NFKB1: variants seen among roughly 807,000 people sequenced by gnomAD.
NFKB1 encodes nuclear factor kappa B subunit 1.
NFKB1 carries 9 observed loss-of-function variants against 105.1 expected under a neutral mutation model. The ratio of observed to expected loss-of-function variants is 0.09; its 90% CI spans 0.05 to 0.15. The LOEUF (loss-of-function observed/expected upper bound fraction) is 0.15. Ranked by LOEUF, NFKB1 falls within the 10% of genes least tolerant of loss-of-function variation. NFKB1 has a pLI of 1.00. For synonymous variants in NFKB1, 440 were observed against 442.2 expected (o/e 1.00, Z 0.06); for missense variants, 830 against 1,203.7 (o/e 0.69, Z 4.59).
At chr4:102,508,638 C>T (rs942318376) in intron 1 of NFKB1, among the ~76,000 whole-genome samples, 2 of 152,032 alleles carry the variant, frequency 1.3e-5, no homozygotes, top group East Asian at 3.8e-4. Flanking sequence ...ATTTCTCTAC[C>T]CTATTCATTT....
intron 16 of NFKB1, among the ~76,000 whole-genome samples, chr4:102,602,792 G>A (rs989893873): frequency 2.0e-5 from 3 of 152,166 alleles, no homozygotes; most frequent in Non-Finnish European, 4.4e-5. Context: ...AGTATGAAGT[G>A]TGATTGTAGA....
At chr4:102,580,390 T>C (rs1725231762) in intron 8 of NFKB1, 145 bp from the exon 9 acceptor site, 1 of 676,596 alleles carries the variant, frequency 1.5e-6, no homozygotes, top group African/African-American at 1.8e-5. Context: ...TCAGAAGCCA[T>C]TCTTGTTTTA....
intron 1 of NFKB1, among the ~76,000 whole-genome samples, chr4:102,512,407 G>A (rs566622140): frequency 1.1e-4 from 16 of 152,286 alleles, no homozygotes; most frequent in African/African-American, 2.9e-4. Context: ...GGAATGCAGT[G>A]GCGCAATCAT....
chr4:102,612,234 G>A, intron 21 of NFKB1, 124 bp downstream of exon 21: 1 of 998,796 alleles, frequency 1.0e-6, no homozygotes, highest in Non-Finnish European at 1.5e-6. Flanking sequence ...AAAAGATGCT[G>A]GAGGTAGATA....
intron 6 of NFKB1, among the ~76,000 whole-genome samples, chr4:102,570,733 A>G (rs577875928): frequency 1.1e-4 from 16 of 152,332 alleles, no homozygotes; most frequent in African/African-American, 3.8e-4. Flanking sequence ...CCCATTCACA[A>G]TTGCTTCAAA....
intron 5 of NFKB1, among the ~76,000 whole-genome samples, chr4:102,540,546 TATTCACTA>T (rs1054368417): frequency 7.3e-6 from 1 of 137,292 alleles, no homozygotes; most frequent in Non-Finnish European, 1.5e-5. Flanking sequence ...ATTTATTTTT[TATTCACTA>T]ATTCAGTATC....
At chr4:102,589,343 TAAG>T (rs1725983288) in intron 11 of NFKB1, among the ~76,000 whole-genome samples, 1 of 152,194 alleles carries the variant, frequency 6.6e-6, no homozygotes, top group Non-Finnish European at 1.5e-5. Context: ...GTAAATTAGT[TAAG>T]ATAGAACCGA....
chr4:102,571,926 C>T (rs1398371773), intron 6 of NFKB1, among the ~76,000 whole-genome samples: 9 of 152,144 alleles, frequency 5.9e-5, no homozygotes, highest in Non-Finnish European at 1.2e-4. Flanking sequence ...GACAGTGTGG[C>T]GATTCCTCAA....
chr4:102,607,065 T>C (rs919440163), intron 17 of NFKB1, 85 bp from the exon 18 acceptor site: 7 of 1,354,998 alleles, frequency 5.2e-6, no homozygotes, highest in Non-Finnish European at 7.4e-6. Flanking sequence ...CATGATTCAG[T>C]TTTTGCCATT....
Position 102,600,920 on chromosome 4 carries a change from C to T in NFKB1, c.1663C>T (p.Leu555Phe). 2 of 1,608,416 alleles carry T rather than the reference C, an allele frequency of 1.2e-6. No homozygotes were observed. Among genetic ancestry groups the T allele is most frequent in the Non-Finnish European group, 1.7e-6 (2 of 1,175,222 alleles). The change falls in exon 16 of 24, where the codon CTT becomes TTT. Residue 555 changes from leucine (L) to phenylalanine (F), a missense_variant. Transcript: ENST00000226574. ...TGTCTTACACTTAGCAATCATCCAC[C>T]TTCATTCTCAACTTGTGAGGGATCT... ...DSVLHLAIIH[L>F]HSQLVRDLLE...
chr4:102,530,536 C>A (rs1578727161), intron 3 of NFKB1, among the ~76,000 whole-genome samples: 1 of 151,994 alleles, frequency 6.6e-6, no homozygotes, highest in South Asian at 2.1e-4. Flanking sequence ...TGTGATGGCT[C>A]TTTTTATGTT....
chr4:102,545,077 A>C (rs1722034393), intron 5 of NFKB1, among the ~76,000 whole-genome samples: 1 of 152,174 alleles, frequency 6.6e-6, no homozygotes, highest in South Asian at 2.1e-4. Context: ...ATAAAGTCAC[A>C]TATTGGCAAT....
At chr4:102,559,368 A>G (rs1235443266) in intron 5 of NFKB1, among the ~76,000 whole-genome samples, 1 of 151,990 alleles carries the variant, frequency 6.6e-6, no homozygotes, top group Non-Finnish European at 1.5e-5. Context: ...CTTTGGGAGG[A>G]TTTTGAGTGA....
At position 102,579,942 on chromosome 4, in the gene NFKB1, G is replaced by A. The variant is rs146374079; in HGVS notation, c.731-593G>A. 5.7e-3 allele frequency among the ~76,000 whole-genome samples: 867 copies of A among 151,188 alleles called. 8 individuals carry two copies. The highest frequency in any genetic ancestry group is 0.019 in the African/African-American group (777 of 41,158). The stretch of plus-strand genomic sequence containing the variant: ...TTATAAAATGATACAGACTCATACC[G>A]CAGAATCACCTTAAAATGCAGCTGT... On this transcript the variant is annotated intron_variant, in intron 8 of 23. Coordinates refer to ENST00000226574, the MANE Select transcript of NFKB1 (RefSeq NM_003998.4).
chr4:102,503,699 C>T (rs751488927), intron 1 of NFKB1, among the ~76,000 whole-genome samples: 5 of 152,100 alleles, frequency 3.3e-5, no homozygotes, highest in Non-Finnish European at 7.4e-5. Context: ...TTCCTTTTTA[C>T]TCTACCTCTT....
intron 11 of NFKB1, among the ~76,000 whole-genome samples, chr4:102,588,106 G>C (rs1382358196): frequency 6.6e-6 from 1 of 152,084 alleles, no homozygotes; most frequent in African/African-American, 2.4e-5. Flanking sequence ...CGAGTACAAA[G>C]AATCTTCTTT....
chr4:102,604,261 T>G (rs925284974), intron 16 of NFKB1, among the ~76,000 whole-genome samples: 1 of 152,170 alleles, frequency 6.6e-6, no homozygotes, highest in African/African-American at 2.4e-5. Context: ...TAAATGTACT[T>G]CTCTTGCCTT....
rs566406029 is a variant in NFKB1, at chr4:102,614,607, C to T, written c.2749+1026C>T. Among the ~76,000 whole-genome samples, 12 of 152,236 alleles carry T rather than the reference C, an allele frequency of 7.9e-5. No homozygotes were observed. The East Asian group carries it at 1.9e-3, about 25-fold the overall frequency. On this transcript the variant is annotated intron_variant, in intron 23 of 23. Transcript: ENST00000226574. ...CCTGCAGTTGGGATCGCATCCCCAC[C>T]GCTCCACCAGGCCTGCTGTCCTCAC...
intron 5 of NFKB1, 32 bp from the exon 6 acceptor site, chr4:102,566,955 A>G (rs769650546): frequency 1.2e-6 from 2 of 1,611,620 alleles, no homozygotes; most frequent in Non-Finnish European, 1.7e-6. Flanking sequence ...AGAGTCAGAT[A>G]TGCTAACTTT....
Sources: allele counts gnomAD v4.1 joint callset (sites outside exome capture counted in the v4.1 genomes callset), GRCh38; gene constraint gnomAD v4.1.1; transcripts MANE v1.5; gene names NCBI Gene and HGNC (gene_info 2026-07-23, HGNC 2026-07-21).